VPS8: variants seen among roughly 807,000 people sequenced by gnomAD.
The protein encoded by VPS8 is VPS8 subunit of CORVET complex, also known as vacuolar protein sorting-associated protein 8 homolog.
In VPS8, 129 loss-of-function variants were observed where a neutral mutation model predicts 216.4. The ratio of observed to expected loss-of-function variants is 0.60; its 90% CI spans 0.52 to 0.69. The LOEUF is 0.69. Ranked by LOEUF, VPS8 falls within the 30% of genes least tolerant of loss-of-function variation. VPS8 has a pLI of 0.00. For synonymous variants in VPS8, 571 were observed against 565.4 expected (o/e 1.01, Z -0.14); for missense variants, 1,531 against 1,683.5 (o/e 0.91, Z 1.59).
chr3:184,878,936 G>A (rs187576506), intron 21 of VPS8, among the ~76,000 whole-genome samples: 2 of 152,142 alleles, frequency 1.3e-5, no homozygotes, highest in Admixed American at 1.3e-4. Context: ...TTTGGTGTAT[G>A]CGTGTATACA....
intron 46 of VPS8, among the ~76,000 whole-genome samples, chr3:185,035,017 AAACATACACAATCTCCT>A (rs1189026768): frequency 1.3e-5 from 2 of 152,200 alleles, no homozygotes; most frequent in Non-Finnish European, 2.9e-5. Flanking sequence ...AAATTCCTGG[AAACATACACAATCTCCT>A]AAGATTGAAT....
At chr3:185,008,992 G>T (rs1754626585) in intron 45 of VPS8, among the ~76,000 whole-genome samples, 1 of 152,202 alleles carries the variant, frequency 6.6e-6, no homozygotes, top group Non-Finnish European at 1.5e-5. Flanking sequence ...CAAGAGTTTG[G>T]TTTTTATTCT....
chr3:184,925,770 CTATT>C (rs947408321), intron 30 of VPS8, among the ~76,000 whole-genome samples: 1 of 144,448 alleles, frequency 6.9e-6, no homozygotes, highest in Non-Finnish European at 1.5e-5. Context: ...TTTTCTCTCT[CTATT>C]TTTTTTTTTT....
At chr3:184,970,978 A>G (rs1460600792) in intron 39 of VPS8, among the ~76,000 whole-genome samples, 1 of 152,194 alleles carries the variant, frequency 6.6e-6, no homozygotes, top group Non-Finnish European at 1.5e-5. Flanking sequence ...AAAGATGAAG[A>G]TTTATAAACT....
intron 26 of VPS8, among the ~76,000 whole-genome samples, chr3:184,914,057 G>C (rs1737056917): frequency 6.6e-6 from 1 of 152,220 alleles, no homozygotes. Context: ...GACTCCTGGA[G>C]CAGGGTTCAT....
rs1720731497 is a variant in VPS8, at chr3:184,834,864, C to T, written c.447+122C>T. The T allele has an allele frequency of 1.3e-5, 9 of 715,226 alleles. No homozygotes were observed. In the South Asian group the frequency reaches 2.0e-4, roughly 16 times the overall value. 44.3% of individuals were successfully genotyped at this position (715,226 alleles called of 1,614,324 possible). Reference sequence around the variant, plus strand: ...GAGGCTTAAGAAAAATAGAATCTGGCTTTCATGGTTTTTGTGTGATGATTT... The same window carrying T: ...GAGGCTTAAGAAAAATAGAATCTGGTTTTCATGGTTTTTGTGTGATGATTT... On this transcript the variant is annotated intron_variant, in intron 5 of 47. Transcript: ENST00000625842.
intron 22 of VPS8, among the ~76,000 whole-genome samples, chr3:184,894,417 A>G (rs1732942239): frequency 6.6e-6 from 1 of 151,638 alleles, no homozygotes; most frequent in African/African-American, 2.4e-5. Context: ...ATATGTCACT[A>G]TTAGCAAACA....
intron 29 of VPS8, among the ~76,000 whole-genome samples, chr3:184,923,135 C>T (rs1738945806): frequency 1.3e-5 from 2 of 149,594 alleles, no homozygotes; most frequent in Non-Finnish European, 3.0e-5. Context: ...AAACCTGGTA[C>T]TTTATCTTTG....
rs148204119 is a variant in VPS8 at position 184,860,908 on chromosome 3, G to A, written c.1224+843G>A. The stretch of plus-strand genomic sequence containing the variant: ...GCGATCTCGGCTCACTGCAAGCTCC[G>A]CCTCCCAGGTTCAAGCAATTCTCCT... On this transcript the variant is annotated intron_variant, in intron 15 of 47. Transcript: ENST00000625842. Among the ~76,000 whole-genome samples, 1,263 of 150,312 alleles carry A rather than the reference G, an allele frequency of 8.4e-3. 18 individuals are homozygous for A. Among genetic ancestry groups the A allele is most frequent in the African/African-American group, 0.029 (1,183 of 40,942 alleles).
At chr3:184,829,835 T>C (rs1719609055) in intron 3 of VPS8, among the ~76,000 whole-genome samples, 2 of 152,206 alleles carry the variant, frequency 1.3e-5, no homozygotes, top group Non-Finnish European at 2.9e-5. Context: ...TGAATTGCCT[T>C]TTCATATAAT....
At chr3:184,990,692 G>A (rs969824272) in intron 42 of VPS8, among the ~76,000 whole-genome samples, 1 of 152,150 alleles carries the variant, frequency 6.6e-6, no homozygotes, top group Non-Finnish European at 1.5e-5. Flanking sequence ...TCAAGTTTTA[G>A]GGCTTTTCTT....
In VPS8 at chr3:184,824,715, A is replaced by G. The variant is rs781659641; in HGVS notation, c.83A>G (p.Asn28Ser). ...TSEEELNKSF[N>S]LEASLSKFSY... Reference sequence around the variant, plus strand: ...GAAGAAGAGCTGAATAAGTCTTTCAATCTAGAAGCTTCACTTTCAAAATTC... The same window carrying G: ...GAAGAAGAGCTGAATAAGTCTTTCAGTCTAGAAGCTTCACTTTCAAAATTC... Residue 28 changes from asparagine to serine, a missense_variant, in exon 2 of 48, where the codon AAT becomes AGT. Physicochemically the swap from Asn to Ser is conservative, Grantham distance 46. This residue lies in a region of VPS8 where 199 missense variants were observed against 182.2 expected (regional missense o/e 1.09). Coordinates refer to ENST00000625842, the MANE Select transcript of VPS8 (RefSeq NM_001009921.3). The G allele has an allele frequency of 2.7e-5, 44 of 1,613,792 alleles. No homozygotes were observed. The highest frequency in any genetic ancestry group is 3.3e-4 in the Middle Eastern group (2 of 6,084).
chr3:184,923,396 C>T (rs193055644), intron 29 of VPS8, among the ~76,000 whole-genome samples: 15 of 152,188 alleles, frequency 9.9e-5, no homozygotes, highest in Non-Finnish European at 1.8e-4. Flanking sequence ...TCCTGTCCCC[C>T]CTGTCTCTGC....
chr3:184,977,032 C>A (rs1749389993), intron 40 of VPS8, among the ~76,000 whole-genome samples: 1 of 152,158 alleles, frequency 6.6e-6, no homozygotes, highest in Non-Finnish European at 1.5e-5. Flanking sequence ...TTTGAGAAAT[C>A]TCCAAACTGC....
At chr3:184,926,699 A>C in intron 31 of VPS8, 49 bp downstream of exon 31, 1 of 1,535,542 alleles carries the variant, frequency 6.5e-7, no homozygotes, top group Non-Finnish European at 8.8e-7. Flanking sequence ...AAGAAGAGTA[A>C]GCCAGAAAGA....
At chr3:184,884,087 T>G (rs1161551566) in intron 21 of VPS8, among the ~76,000 whole-genome samples, 1 of 152,212 alleles carries the variant, frequency 6.6e-6, no homozygotes, top group African/African-American at 2.4e-5. Context: ...TCACTTTTTT[T>G]TATACTTTAA....
chr3:185,017,544 G>A (rs1304381120), intron 45 of VPS8, among the ~76,000 whole-genome samples: 4 of 151,838 alleles, frequency 2.6e-5, no homozygotes, highest in African/African-American at 7.3e-5. Flanking sequence ...AGAAGTAGAT[G>A]TAACAATTTG....
At chr3:184,871,381 C>G (rs1007881561) in intron 21 of VPS8, among the ~76,000 whole-genome samples, 6 of 152,060 alleles carry the variant, frequency 3.9e-5, no homozygotes, top group Admixed American at 6.6e-5. Flanking sequence ...TTGCTGTTCC[C>G]CATTCCTACT....
At chr3:184,893,520 A>G (rs750500363) in intron 22 of VPS8, 106 of 460,948 alleles carry the variant, frequency 2.3e-4, no homozygotes, top group Non-Finnish European at 3.0e-4. Context: ...AAAATATTCA[A>G]TTTTGCTGGT....
Sources: gnomAD v4.1 joint callset for allele counts (sites outside exome capture counted in the v4.1 genomes callset) on GRCh38, gnomAD v4.1.1 for gene constraint, gnomAD v4.1.1 regional missense constraint, MANE v1.5 for transcripts, NCBI Gene and HGNC (gene_info 2026-07-23, HGNC 2026-07-21) for gene names.